OCA2: variants seen among roughly 807,000 people sequenced by gnomAD.
The protein encoded by OCA2 is OCA2 melanosomal transmembrane protein.
A neutral mutation model predicts 100.2 loss-of-function variants in OCA2; 77 were observed. The observed-to-expected ratio is 0.77, with a 90% CI of 0.64 to 0.93. OCA2 has a LOEUF of 0.93. OCA2 is among the 40% of genes least tolerant of loss of function. The pLI, the probability that OCA2 is intolerant of heterozygous loss-of-function variation, is 0.00. For missense variants in OCA2, 1,062 were observed against 1,089.1 expected (o/e 0.98, Z 0.35); for synonymous variants, 432 against 439.2 (o/e 0.98, Z 0.21).
intron 23 of OCA2, among the ~76,000 whole-genome samples, chr15:27,836,730 T>A (rs932443868): frequency 6.6e-6 from 1 of 152,262 alleles, no homozygotes; most frequent in Admixed American, 6.5e-5. Context: ...AATTTTATTA[T>A]GTTTACTGTT....
chr15:27,951,878 G>C lies in OCA2; in HGVS notation c.1857C>G (p.Asp619Glu), dbSNP rs7164127. ...TCAGGCATTTGGCGAGCAGAATCCC[G>C]TCAGATATCCTATGCTGTAAGAGAG... Reference protein sequence around the residue: ...QELQKKHRISDGILLAKCLTV... With the variant: ...QELQKKHRISEGILLAKCLTV... Residue 619 changes from aspartate (D) to glutamate (E), a missense_variant, in exon 18 of 24, where the codon GAC becomes GAG. Physicochemically the swap from Asp to Glu is conservative, Grantham distance 45. Transcript: ENST00000354638. The C allele has an allele frequency of 6.2e-7, 1 of 1,611,870 alleles. No homozygotes were observed. Among genetic ancestry groups the C allele is most frequent in the Non-Finnish European group, 8.5e-7 (1 of 1,177,964 alleles).
intron 3 of OCA2, among the ~76,000 whole-genome samples, chr15:28,029,523 G>T (rs910656720): frequency 6.6e-6 from 1 of 152,018 alleles, no homozygotes; most frequent in Non-Finnish European, 1.5e-5. Flanking sequence ...TCGCTTCCCT[G>T]TCCAATATGG....
At chr15:27,817,194 G>A (rs563135331) in intron 23 of OCA2, among the ~76,000 whole-genome samples, 2 of 152,226 alleles carry the variant, frequency 1.3e-5, no homozygotes, top group African/African-American at 4.8e-5. Flanking sequence ...TAGAATGGAA[G>A]CCTCATGAAG....
At chr15:27,778,183 T>A (rs1341823238) in intron 23 of OCA2, among the ~76,000 whole-genome samples, 1 of 152,224 alleles carries the variant, frequency 6.6e-6, no homozygotes, top group Admixed American at 6.5e-5. Context: ...GAGTTAACTT[T>A]AATTTTTAGT....
intron 2 of OCA2, among the ~76,000 whole-genome samples, chr15:28,068,691 C>T (rs77798074): frequency 0.074 from 11,258 of 152,190 alleles, 1,251 homozygotes; most frequent in African/African-American, 0.24. Context: ...CAGAAGTCCT[C>T]GACAAAATAC....
chr15:27,873,493 TATC>T (rs2036667723), intron 19 of OCA2, among the ~76,000 whole-genome samples: 1 of 152,256 alleles, frequency 6.6e-6, no homozygotes, highest in East Asian at 1.9e-4. Context: ...TTTTGTTTGA[TATC>T]ATCAGTTGAA....
chr15:27,926,073 A>C lies in OCA2; in HGVS notation c.2079+54T>G, dbSNP rs1381000812. 4.4e-6 allele frequency: 7 copies of C among 1,598,100 alleles called. No individual in the cohort carries two copies. The Admixed American group carries it at 8.4e-5, about 19-fold the overall frequency. On this transcript the variant is annotated intron_variant, in intron 19 of 23. Coordinates refer to ENST00000354638, the MANE Select transcript of OCA2 (RefSeq NM_000275.3). ...GCTTTCTTCATTCACCAAATAAAAC[A>C]TGAAATACAAAAATCAGGTAAAATG...
At chr15:27,737,138 T>C in the OCA2 span, among the ~76,000 whole-genome samples, 13 of 152,130 alleles carry the variant, frequency 8.5e-5, no homozygotes, top group Non-Finnish European at 1.8e-4. Flanking sequence ...ATAAATCTAG[T>C]GAAAAATATG....
intron 21 of OCA2, among the ~76,000 whole-genome samples, chr15:27,858,449 A>G (rs1420863875): frequency 1.3e-5 from 2 of 152,100 alleles, no homozygotes; most frequent in African/African-American, 2.4e-5. Flanking sequence ...CATCTTACAC[A>G]TTTTGTTAAC....
intron 19 of OCA2, among the ~76,000 whole-genome samples, chr15:27,909,615 G>A (rs1027187453): frequency 3.3e-5 from 5 of 152,240 alleles, no homozygotes; most frequent in African/African-American, 1.2e-4. Context: ...AAAAGCTAAT[G>A]TAGGATAAAA....
At chr15:28,085,849 C>G (rs1365184108) in intron 1 of OCA2, among the ~76,000 whole-genome samples, 1 of 152,138 alleles carries the variant, frequency 6.6e-6, no homozygotes, top group African/African-American at 2.4e-5. Context: ...AACAAAAAGC[C>G]CCAAAGAAGC....
rs1432833630 is a variant in OCA2, at chr15:28,070,342, G to A, written c.227+11306C>T. Among the ~76,000 whole-genome samples the A allele has an allele frequency of 3.5e-3, 470 of 135,628 alleles. 1 individual carries two copies. The highest frequency in any genetic ancestry group is 8.8e-3 in the African/African-American group (303 of 34,492). 89.0% of individuals were successfully genotyped at this position (135,628 alleles called of 152,430 possible). On this transcript the variant is annotated intron_variant, in intron 2 of 23. Transcript: ENST00000354638. Reference sequence around the variant, plus strand: ...GGGTCAGCCCCCCGCCCGGCCAGCCGCCCCGTCCGGGAGGTGAGGGGCACC... The same window carrying A: ...GGGTCAGCCCCCCGCCCGGCCAGCCACCCCGTCCGGGAGGTGAGGGGCACC...
intron 8 of OCA2, among the ~76,000 whole-genome samples, chr15:28,015,518 G>A (rs890177426): frequency 1.3e-5 from 2 of 152,166 alleles, no homozygotes; most frequent in African/African-American, 4.8e-5. Flanking sequence ...GTTAAATGAG[G>A]TTATGGGGAT....
chr15:27,906,603 T>TA (rs2038186549), intron 19 of OCA2, among the ~76,000 whole-genome samples: 1 of 151,896 alleles, frequency 6.6e-6, no homozygotes, highest in Non-Finnish European at 1.5e-5. Context: ...CATGTTCTAG[T>TA]AAAACTATAA....
intron 19 of OCA2, among the ~76,000 whole-genome samples, chr15:27,880,813 G>A (rs2036984057): frequency 6.6e-6 from 1 of 152,166 alleles, no homozygotes. Flanking sequence ...AACAGAGACA[G>A]TTTGACTTCC....
chr15:27,809,822 G>A (rs1263143815), intron 23 of OCA2, among the ~76,000 whole-genome samples: 4 of 152,132 alleles, frequency 2.6e-5, no homozygotes, highest in African/African-American at 9.7e-5. Flanking sequence ...GGAGGTCGAA[G>A]ACCTCTATAA....
chr15:28,058,621 G>A (rs2043777954), intron 2 of OCA2, among the ~76,000 whole-genome samples: 1 of 152,164 alleles, frequency 6.6e-6, no homozygotes, highest in South Asian at 2.1e-4. Flanking sequence ...GTGCCCTGCT[G>A]GGAACATGAT....
chr15:27,778,763 G>C (rs753634047), intron 23 of OCA2, among the ~76,000 whole-genome samples: 1 of 152,188 alleles, frequency 6.6e-6, no homozygotes, highest in South Asian at 2.1e-4. Context: ...ATCTGCTCTT[G>C]CCTGGAAAAG....
chr15:27,856,225 C>T (rs1221111690), intron 21 of OCA2, among the ~76,000 whole-genome samples: 1 of 152,176 alleles, frequency 6.6e-6, no homozygotes, highest in Admixed American at 6.5e-5. Context: ...CTGATTTAAA[C>T]TTGATTATCT....
Sources: gnomAD v4.1 joint callset for allele counts (sites outside exome capture counted in the v4.1 genomes callset) on GRCh38, gnomAD v4.1.1 for gene constraint, MANE v1.5 for transcripts, NCBI Gene and HGNC (gene_info 2026-07-23, HGNC 2026-07-21) for gene names.